The following AHCY variants were observed in gnomAD, a reference collection of about 807,000 sequenced individuals.
AHCY encodes the protein adenosylhomocysteinase, also known as S-adenosyl-L-homocysteine hydrolase.
Under a neutral mutation model 45.4 loss-of-function variants are expected in AHCY, and 24 were observed. The observed-to-expected ratio is 0.53, with a 90% confidence interval of 0.38 to 0.74. The LOEUF is 0.74. Among genes scored for constraint, AHCY ranks in the 30% least tolerant of loss-of-function variants. The pLI is 0.00. For synonymous variants in AHCY, 245 were observed against 235.1 expected (o/e 1.04, Z -0.39); for missense variants, 449 against 594.1 (o/e 0.76, Z 2.54).
At chr20:34,270,356 C>CA in the AHCY span, among the ~76,000 whole-genome samples, 2 of 152,198 alleles carry the variant, frequency 1.3e-5, no homozygotes, top group Non-Finnish European at 2.9e-5. Flanking sequence ...CACACACCCC[C>CA]ACACAGGAAA....
downstream of AHCY, chr20:34,280,231 G>A (rs819169): frequency 0.75 from 114,712 of 152,222 alleles, 46,170 homozygotes; most frequent in Non-Finnish European, 0.89. Flanking sequence ...ATACATTGTT[G>A]GCAGAGGATT....
chr20:34,246,087 G>T, the AHCY span: 1 of 870,954 alleles, frequency 1.1e-6, no homozygotes, highest in Non-Finnish European at 1.9e-6. Context: ...GGCAGCACAG[G>T]AGAATTTTTG....
At chr20:34,242,955 A>G in the AHCY span, among the ~76,000 whole-genome samples, 32 of 152,364 alleles carry the variant, frequency 2.1e-4, 1 homozygote, top group African/African-American at 7.0e-4. Context: ...CAAAACCAAT[A>G]TAGTACCCAC....
chr20:34,268,774 T>C, the AHCY span, among the ~76,000 whole-genome samples: 1 of 148,810 alleles, frequency 6.7e-6, no homozygotes, highest in East Asian at 2.0e-4. Flanking sequence ...AAACACAAAC[T>C]AGGGAGAAGA....
chr20:34,283,099 G>A (rs1487416129), intron 9 of AHCY, among the ~76,000 whole-genome samples: 1 of 152,124 alleles, frequency 6.6e-6, no homozygotes, highest in Non-Finnish European at 1.5e-5. Context: ...CTGAGTCCAC[G>A]TCAGTTCCAG....
chr20:34,262,175 G>A, the AHCY span, among the ~76,000 whole-genome samples: 1 of 152,110 alleles, frequency 6.6e-6, no homozygotes, highest in Non-Finnish European at 1.5e-5. Flanking sequence ...AGACAGGGAA[G>A]GGAGGAACAT....
At chr20:34,248,385 C>T in the AHCY span, among the ~76,000 whole-genome samples, 1 of 152,272 alleles carries the variant, frequency 6.6e-6, no homozygotes, top group African/African-American at 2.4e-5. Flanking sequence ...TTATAAAAAT[C>T]CCATTACTTA....
chr20:34,269,116 C>T, the AHCY span: 1 of 1,560,454 alleles, frequency 6.4e-7, no homozygotes, highest in Non-Finnish European at 8.7e-7. Context: ...CCTGCCAGTG[C>T]CGCTTCTTCC....
downstream of AHCY, among the ~76,000 whole-genome samples, chr20:34,279,978 A>G (rs2035952407): frequency 6.6e-6 from 1 of 152,044 alleles, no homozygotes; most frequent in African/African-American, 2.4e-5. Context: ...TGTGATCTCA[A>G]CTACTCAGGA....
In AHCY at chr20:34,292,403, C is replaced by G; in HGVS notation, c.400G>C (p.Asp134His). Reference protein sequence around the residue: ...PLNMILDDGGDLTNLIHTKYP... With the variant: ...PLNMILDDGGHLTNLIHTKYP... ...TTGGTGTGGATGAGGTTGGTGAGGT[C>G]GCCCCCGTCGTCCAGAATCATGTTG... Residue 134 changes from aspartate (D) to histidine (H), a missense_variant, in exon 4 of 10, where the codon GAC becomes CAC. Physicochemically the swap from Asp to His is moderately conservative, Grantham distance 81. Transcript: ENST00000217426. 6.2e-7 allele frequency: 1 copy of G among 1,613,676 alleles called. No homozygotes were observed. The highest frequency in any genetic ancestry group is 8.5e-7 in the Non-Finnish European group (1 of 1,180,026).
At chr20:34,246,006 A>AT in the AHCY span, 66 of 1,095,056 alleles carry the variant, frequency 6.0e-5, 1 homozygote, top group East Asian at 5.5e-4. Flanking sequence ...ACTTCTGGCC[A>AT]TTTTTCTGAA....
Position 34,290,782 on chromosome 20 carries a change from C to T in AHCY, c.715G>A (p.Val239Ile), listed in dbSNP as rs375760628. ...ATGGGGTCAATCTCGGTGATGATGA[C>T]GCGGGCTCCGAAACCCCGCAGGGCC... Reference protein sequence around the residue: ...AQALRGFGARVIITEIDPINA... With the variant: ...AQALRGFGARIIITEIDPINA... Residue 239 changes from valine to isoleucine, a missense_variant, in exon 6 of 10, where the codon GTC becomes ATC. Physicochemically the swap from Val to Ile is conservative, Grantham distance 29. Transcript: ENST00000217426. This position sits in a 1 kb window ranked among gnomAD's most constrained non-coding sequence, Gnocchi z 4.5. The T allele has an allele frequency of 2.4e-5, 38 of 1,613,922 alleles. No homozygotes were observed. The African/African-American group carries it at 2.5e-4, about 11-fold the overall frequency.
chr20:34,269,080 A>G, the AHCY span: 1 of 1,569,726 alleles, frequency 6.4e-7, no homozygotes, highest in African/African-American at 1.4e-5. Flanking sequence ...AGCCGCCGGC[A>G]CCCGCCTGCT....
At position 34,298,606 on chromosome 20, in the gene AHCY, G is replaced by C. The variant is rs111753208; in HGVS notation, c.29-3021C>G. 1.8e-5 allele frequency among the ~76,000 whole-genome samples: 2 copies of C among 109,680 alleles called. 1 individual carries two copies. Among genetic ancestry groups the C allele is most frequent in the Non-Finnish European group, 3.8e-5 (2 of 52,768 alleles). 72.0% of individuals were successfully genotyped at this position (109,680 alleles called of 152,430 possible). A position where few individuals can be genotyped will look rare whatever the true frequency, so the allele number is the denominator to read the frequency against. On this transcript the variant is annotated intron_variant, in intron 1 of 9. Coordinates refer to ENST00000217426, the MANE Select transcript of AHCY (RefSeq NM_000687.4). ...TAGCAGACTGGGAAGTGGCGGCGGC[G>C]GGAGGGGGGGGGGTGTCTCCCTTTC...
chr20:34,246,434 C>G, the AHCY span: 1 of 1,381,684 alleles, frequency 7.2e-7, no homozygotes, highest in East Asian at 2.3e-5. Flanking sequence ...TGGTAATGAA[C>G]AGACTCCACA....
chr20:34,292,250 C>T, intron 4 of AHCY, 108 bp downstream of exon 4: 1 of 1,399,964 alleles, frequency 7.1e-7, no homozygotes, highest in Non-Finnish European at 9.8e-7. Context: ...TCTTCCAGAT[C>T]CTGCTGCTTG....
chr20:34,252,495 T>C, the AHCY span, among the ~76,000 whole-genome samples: 1 of 152,156 alleles, frequency 6.6e-6, no homozygotes, highest in Admixed American at 6.6e-5. Context: ...AGAGCAGTAT[T>C]GTTGTCAGTA....
Position 34,290,524 on chromosome 20 carries a change from C to G in AHCY, c.854+27G>C, listed in dbSNP as rs1456993903. The G allele has an allele frequency of 3.1e-6, 5 of 1,614,050 alleles. No homozygotes were observed. Among genetic ancestry groups the G allele is most frequent in the Non-Finnish European group, 4.2e-6 (5 of 1,179,910 alleles). ...CCCAACTCTGCCCTCCTCCCTCACT[C>G]CCCGGGACCCCCCATCTGGCACCTA... On this transcript the variant is annotated intron_variant, in intron 7 of 9. Transcript: ENST00000217426. This position sits in a 1 kb window ranked among gnomAD's most constrained non-coding sequence, Gnocchi z 4.5.
rs978284012 is a variant in AHCY, at chr20:34,290,230, C to T, written c.972+102G>A. On this transcript the variant is annotated intron_variant, in intron 8 of 9. Transcript: ENST00000217426. This position sits in a 1 kb window ranked among gnomAD's most constrained non-coding sequence, Gnocchi z 4.5. ...TGCTAGGCCCTCTTCTCCCCATCCC[C>T]CTGCACAGGTTGCCACCATCTCCTC... 5 of 1,137,598 alleles carry T rather than the reference C, an allele frequency of 4.4e-6. No individual in the cohort carries two copies. In the African/African-American group the frequency reaches 7.6e-5, roughly 17 times the overall value. The allele number at this position is 1,137,598 out of a possible 1,614,324, so 70.5% of individuals were successfully genotyped here.
Sources: allele counts gnomAD v4.1 joint callset (sites outside exome capture counted in the v4.1 genomes callset), GRCh38; gene constraint gnomAD v4.1.1; non-coding constraint Gnocchi (gnomAD v3.1); transcripts MANE v1.5; gene names NCBI Gene and HGNC (gene_info 2026-07-23, HGNC 2026-07-21).